Variants in CD40LG observed in about 807,000 individuals in gnomAD.
CD40LG encodes CD40 ligand, also known as CD40 antigen ligand.
A neutral mutation model predicts 17.2 loss-of-function variants in CD40LG; 1 was observed. The observed-to-expected ratio is 0.06, with a 90% CI of 0.02 to 0.28. CD40LG has a LOEUF of 0.28. CD40LG is among the 10% of genes least tolerant of loss of function. The pLI, the probability that CD40LG is intolerant of heterozygous loss-of-function variation, is 1.00. For missense variants in CD40LG, 133 were observed against 193.2 expected, an observed-to-expected ratio of 0.69 and a Z score of 1.85; for synonymous variants, 66 against 74.4, an observed-to-expected ratio of 0.89 and a Z score of 0.58.
intron 4 of CD40LG, among the ~76,000 whole-genome samples, chrX:136,658,734 C>T (rs1379276419): frequency 8.9e-6 from 1 of 111,855 alleles, no homozygotes; most frequent in African/African-American, 3.3e-5. Flanking sequence ...AGAACTCTAA[C>T]GAGAGAAAGA....
chrX:136,649,058 A>G (rs1260733383), intron 1 of CD40LG, among the ~76,000 whole-genome samples: 2 of 112,529 alleles, frequency 1.8e-5, no homozygotes, highest in African/African-American at 6.5e-5. Context: ...TGCAGGAACA[A>G]AAGAGCAGAG....
At chrX:136,651,551 A>G (rs746387155) in intron 2 of CD40LG, among the ~76,000 whole-genome samples, 6 of 111,822 alleles carry the variant, frequency 5.4e-5, no homozygotes, top group Middle Eastern at 4.6e-3. Context: ...GGTTCTTTAC[A>G]CTAATCTAGG....
chrX:136,652,026 TA>T (rs775493096), intron 2 of CD40LG, among the ~76,000 whole-genome samples: 1 of 110,947 alleles, frequency 9.0e-6, no homozygotes, highest in South Asian at 3.9e-4. Flanking sequence ...AGGATAGGAG[TA>T]AAGAAAACAG....
At chrX:136,648,936 C>T (rs2076096818) in intron 1 of CD40LG, among the ~76,000 whole-genome samples, 1 of 112,103 alleles carries the variant, frequency 8.9e-6, no homozygotes, top group Non-Finnish European at 1.9e-5. Flanking sequence ...CCAGAATTTG[C>T]AGTCTTTTAG....
chrX:136,648,933 T>G (rs2076096811), intron 1 of CD40LG, among the ~76,000 whole-genome samples: 1 of 112,258 alleles, frequency 8.9e-6, no homozygotes, highest in Admixed American at 9.4e-5. Flanking sequence ...GTCCCAGAAT[T>G]TGCAGTCTTT....
intron 1 of CD40LG, among the ~76,000 whole-genome samples, chrX:136,649,997 A>T: frequency 8.9e-6 from 1 of 112,719 alleles, no homozygotes; most frequent in Non-Finnish European, 1.9e-5. Context: ...ATGTTGAAAA[A>T]ATATGCATTT....
intron 4 of CD40LG, among the ~76,000 whole-genome samples, chrX:136,657,973 T>C (rs1265187406): frequency 9.0e-6 from 1 of 111,402 alleles, no homozygotes; most frequent in Non-Finnish European, 1.9e-5. Flanking sequence ...CAAAGTAAAC[T>C]TACTGAACTA....
chrX:136,650,973 T>C (rs1011640773), intron 2 of CD40LG, among the ~76,000 whole-genome samples: 1 of 110,828 alleles, frequency 9.0e-6, no homozygotes, highest in African/African-American at 3.3e-5. Flanking sequence ...CCAGACTCCA[T>C]ATAATATCAC....
At chrX:136,658,970 T>C in intron 4 of CD40LG, 69 bp from the exon 5 acceptor site, 1 of 1,126,923 alleles carries the variant, frequency 8.9e-7, no homozygotes, top group Non-Finnish European at 1.2e-6. Flanking sequence ...CATTAAACTA[T>C]ATTTTTTGTC....
intron 3 of CD40LG, among the ~76,000 whole-genome samples, chrX:136,654,871 G>A (rs1039432613): frequency 9.0e-6 from 1 of 111,024 alleles, no homozygotes; most frequent in Non-Finnish European, 1.9e-5. Flanking sequence ...TTATTTGCCC[G>A]GTTCTTAAAG....
rs369285663 is a variant in CD40LG at position 136,648,826 on chromosome X, G to A, written c.156+422G>A. Among the ~76,000 whole-genome samples the A allele has an allele frequency of 9.2e-4, 103 of 112,222 alleles. 1 individual carries two copies. The South Asian group carries it at 0.037, about 40-fold the overall frequency. ...TTTAAAAGTAAGCTATTTTTTTATG[G>A]AGACAGCTTTTTTCTTTTAAATTTC... is the stretch of plus-strand genomic sequence containing the variant. On this transcript the variant is annotated intron_variant, in intron 1 of 4. Transcript: ENST00000370629.
chrX:136,652,993 C>T (rs1056010338), intron 2 of CD40LG, among the ~76,000 whole-genome samples: 1 of 110,940 alleles, frequency 9.0e-6, no homozygotes, highest in Non-Finnish European at 1.9e-5. Flanking sequence ...CGAAAGTTCA[C>T]GGAAAGGCTA....
rs2076129857 is a variant in CD40LG at position 136,659,920 on chromosome X, A to AACCCCCC, written c.*505_*506insACCCCCC. ...ACGTCTAACACAGTGGAGAACCGAA[A>AACCCCCC]CCCCCCCCCCCCCCCCGCCACCCTC... On this transcript the variant is annotated 3_prime_UTR_variant, in exon 5 of 5. Transcript: ENST00000370629. 1 of 18,651 alleles carries AACCCCCC rather than the reference A, an allele frequency of 5.4e-5. No individual in the cohort carries two copies. The highest frequency in any genetic ancestry group is 1.7e-4 in the Non-Finnish European group (1 of 5,737). The allele number at this position is 18,651 out of a possible 1,213,427, so 1.5% of individuals were successfully genotyped here.
At chrX:136,650,498 C>A in intron 2 of CD40LG, 101 bp downstream of exon 2, 2 of 623,191 alleles carry the variant, frequency 3.2e-6, no homozygotes, top group Non-Finnish European at 5.3e-6. Flanking sequence ...TGGTTATAGA[C>A]ACAGACACAC....
intron 3 of CD40LG, among the ~76,000 whole-genome samples, chrX:136,655,537 C>G (rs1408990673): frequency 8.9e-6 from 1 of 111,891 alleles, no homozygotes; most frequent in East Asian, 2.8e-4. Flanking sequence ...AACATACATA[C>G]ATACAGGGAT....
intron 1 of CD40LG, among the ~76,000 whole-genome samples, chrX:136,648,761 C>T (rs955496827): frequency 8.9e-6 from 1 of 112,154 alleles, no homozygotes; most frequent in Admixed American, 9.4e-5. Flanking sequence ...ATAGTAAGCA[C>T]TATGTACGCA....
chrX:136,658,654 T>C (rs987530668), intron 4 of CD40LG, among the ~76,000 whole-genome samples: 3 of 111,998 alleles, frequency 2.7e-5, no homozygotes, highest in Admixed American at 9.5e-5. Flanking sequence ...AGTAATTTGG[T>C]ATGTATAATT....
Position 136,655,350 on chromosome X carries a change from T to C in CD40LG, c.346+920T>C, listed in dbSNP as rs1003195609. Among the ~76,000 whole-genome samples, 5 of 111,877 alleles carry C rather than the reference T, an allele frequency of 4.5e-5. No homozygotes were observed. In the East Asian group the frequency reaches 1.4e-3, roughly 31 times the overall value. ...TCTTCTGCCACTCACCTCCTTTTCT[T>C]GGACACACTAACGTTTTCCTGTTCT... On this transcript the variant is annotated intron_variant, in intron 3 of 4. Coordinates refer to ENST00000370629, the MANE Select transcript of CD40LG (RefSeq NM_000074.3).
Position 136,659,619 on chromosome X carries a change from A to G in CD40LG, c.*204A>G, listed in dbSNP as rs1417580315. On this transcript the variant is annotated 3_prime_UTR_variant, in exon 5 of 5. Coordinates refer to ENST00000370629, the MANE Select transcript of CD40LG (RefSeq NM_000074.3). Reference sequence around the variant, plus strand: ...ATGAAACCAAAACGGGCCCTGCTCCATAAGAGCTTATATATCTGAAGCAGC... The same window carrying G: ...ATGAAACCAAAACGGGCCCTGCTCCGTAAGAGCTTATATATCTGAAGCAGC... The G allele has an allele frequency of 1.9e-5, 8 of 430,937 alleles. No homozygotes were observed. The highest frequency in any genetic ancestry group is 6.3e-4 in the Middle Eastern group (1 of 1,590). The allele number at this position is 430,937 out of a possible 1,213,427, so 35.5% of individuals were successfully genotyped here.
Sources: allele counts gnomAD v4.1 joint callset (sites outside exome capture counted in the v4.1 genomes callset), GRCh38; gene constraint gnomAD v4.1.1; transcripts MANE v1.5; gene names NCBI Gene and HGNC (gene_info 2026-07-23, HGNC 2026-07-21).